Variants in TBC1D19 observed in about 807,000 individuals in gnomAD.
The protein encoded by TBC1D19 is TBC1 domain family, member 19.
Under a neutral mutation model 89.0 loss-of-function variants are expected in TBC1D19, and 60 were observed. The observed-to-expected ratio is 0.67, with a 90% confidence interval of 0.55 to 0.84. The LOEUF is 0.84. Ranked by LOEUF, TBC1D19 falls within the 40% of genes least tolerant of loss-of-function variation. The pLI is 0.00. For synonymous variants in TBC1D19, 189 were observed against 199.7 expected, an observed-to-expected ratio of 0.95 and a Z score of 0.45; for missense variants, 500 against 610.8, an observed-to-expected ratio of 0.82 and a Z score of 1.91.
chr4:26,702,646 T>A (rs1456757579), intron 13 of TBC1D19, among the ~76,000 whole-genome samples: 1 of 152,216 alleles, frequency 6.6e-6, no homozygotes, highest in Non-Finnish European at 1.5e-5. Flanking sequence ...GTCATAGGTC[T>A]CATGACTTCT....
At chr4:26,819,436 A>G in the TBC1D19 span, among the ~76,000 whole-genome samples, 1 of 152,196 alleles carries the variant, frequency 6.6e-6, no homozygotes, top group African/African-American at 2.4e-5. Context: ...AAGCATCCAC[A>G]TGGACACAAG....
the TBC1D19 span, among the ~76,000 whole-genome samples, chr4:26,826,023 G>A: frequency 2.1e-4 from 32 of 152,230 alleles, no homozygotes; most frequent in South Asian, 6.2e-3. Flanking sequence ...GCAACATGGC[G>A]AAACCCCATC....
At chr4:26,671,625 A>G (rs769443780) in intron 9 of TBC1D19, among the ~76,000 whole-genome samples, 11 of 151,830 alleles carry the variant, frequency 7.2e-5, no homozygotes, top group Non-Finnish European at 1.6e-4. Flanking sequence ...GCATTTGTAG[A>G]GCGAGATTTT....
intron 1 of TBC1D19, among the ~76,000 whole-genome samples, chr4:26,588,936 A>T (rs1456238204): frequency 2.6e-5 from 4 of 151,988 alleles, no homozygotes; most frequent in Non-Finnish European, 4.4e-5. Flanking sequence ...GCTTCAGTCA[A>T]TATAGACAAG....
At chr4:26,698,786 G>T (rs933797894) in intron 13 of TBC1D19, among the ~76,000 whole-genome samples, 33 of 152,264 alleles carry the variant, frequency 2.2e-4, no homozygotes, top group African/African-American at 7.5e-4. Context: ...TTAATAAATG[G>T]TGCTGGGAAA....
At chr4:26,814,140 A>C in the TBC1D19 span, among the ~76,000 whole-genome samples, 5 of 152,014 alleles carry the variant, frequency 3.3e-5, no homozygotes, top group African/African-American at 4.8e-5. Flanking sequence ...CCAGCAACAC[A>C]TCCAATAACA....
chr4:26,585,871 C>T (rs1262751645), intron 1 of TBC1D19, among the ~76,000 whole-genome samples: 1 of 152,174 alleles, frequency 6.6e-6, no homozygotes, highest in African/African-American at 2.4e-5. Context: ...AGACGTGAGC[C>T]ACCACACCCT....
the TBC1D19 span, among the ~76,000 whole-genome samples, chr4:26,840,934 C>T: frequency 6.6e-6 from 1 of 152,142 alleles, no homozygotes; most frequent in African/African-American, 2.4e-5. Context: ...GACCCAGGTC[C>T]TGCCACTCTC....
chr4:26,577,614 G>T (rs76120046), intron 1 of TBC1D19, among the ~76,000 whole-genome samples: 1,961 of 152,314 alleles, frequency 0.013, 25 homozygotes, highest in Middle Eastern at 0.02. Context: ...TGAGTACAAA[G>T]AGTCTAATAG....
Position 26,640,198 on chromosome 4 carries a change from T to G in TBC1D19, c.480+11T>G, listed in dbSNP as rs377029157. 2 of 1,590,952 alleles carry G rather than the reference T, an allele frequency of 1.3e-6. No individual in the cohort carries two copies. The highest frequency in any genetic ancestry group is 1.7e-5 in the Admixed American group (1 of 59,688). On this transcript the variant is annotated intron_variant, in intron 7 of 20. Coordinates refer to ENST00000264866, the MANE Select transcript of TBC1D19 (RefSeq NM_018317.4). ...AAGGATTTTCTTGAGGTAGGTTCTA[T>G]TGGATAAATACACATATATTAATGA...
the TBC1D19 span, among the ~76,000 whole-genome samples, chr4:26,777,057 T>G: frequency 6.6e-6 from 1 of 152,164 alleles, no homozygotes; most frequent in Non-Finnish European, 1.5e-5. Flanking sequence ...TTTCCTTGTT[T>G]TGGTGTTATT....
the TBC1D19 span, among the ~76,000 whole-genome samples, chr4:26,807,213 C>T: frequency 6.6e-6 from 1 of 152,250 alleles, no homozygotes; most frequent in East Asian, 1.9e-4. Flanking sequence ...CCCCCATCCT[C>T]AACTTAGAAG....
At chr4:26,785,260 AT>A in the TBC1D19 span, among the ~76,000 whole-genome samples, 1 of 152,238 alleles carries the variant, frequency 6.6e-6, no homozygotes, top group Non-Finnish European at 1.5e-5. Context: ...ATAGCCTAAC[AT>A]TTCTCCCAAA....
intron 4 of TBC1D19, among the ~76,000 whole-genome samples, chr4:26,628,787 G>A (rs1036218692): frequency 4.0e-5 from 6 of 151,860 alleles, no homozygotes; most frequent in Admixed American, 1.3e-4. Context: ...AAATACCTAG[G>A]AATCCAACTT....
Position 26,638,831 on chromosome 4 carries a change from C to T in TBC1D19, c.430C>T (p.Pro144Ser). Reference sequence around the variant, plus strand: ...ATGGAATGAAATGGGAACTGATGAACCAGGTATGTGAACAATTTTTTCTGA... The same window carrying T: ...ATGGAATGAAATGGGAACTGATGAATCAGGTATGTGAACAATTTTTTCTGA... ...NKWNEMGTDEPDLSLFRPVYA... is the reference protein window; with the variant it reads ...NKWNEMGTDESDLSLFRPVYA... The change falls in exon 6 of 21, where the codon CCA becomes TCA. Residue 144 changes from proline to serine, a missense_variant. Physicochemically the swap from Pro to Ser is moderately conservative, Grantham distance 74. Coordinates refer to ENST00000264866, the MANE Select transcript of TBC1D19 (RefSeq NM_018317.4). 2 of 1,606,010 alleles carry T rather than the reference C, an allele frequency of 1.2e-6. No homozygotes were observed. The highest frequency in any genetic ancestry group is 1.3e-5 in the African/African-American group (1 of 74,612).
At chr4:26,768,828 A>T in the TBC1D19 span, among the ~76,000 whole-genome samples, 1,169 of 152,214 alleles carry the variant, frequency 7.7e-3, 21 homozygotes, top group East Asian at 0.046. Flanking sequence ...AATTATCTGT[A>T]TGTCACCTTT....
intron 4 of TBC1D19, among the ~76,000 whole-genome samples, chr4:26,635,034 A>AC (rs1380254665): frequency 6.6e-6 from 1 of 152,128 alleles, no homozygotes; most frequent in Non-Finnish European, 1.5e-5. Flanking sequence ...AGCTGTTTGC[A>AC]TGAGTGATTG....
intron 9 of TBC1D19, among the ~76,000 whole-genome samples, chr4:26,667,372 A>G (rs924420986): frequency 6.6e-6 from 1 of 152,000 alleles, no homozygotes; most frequent in Non-Finnish European, 1.5e-5. Context: ...TGTAATCCCC[A>G]TTACAAAGAT....
chr4:26,838,310 T>A, the TBC1D19 span, among the ~76,000 whole-genome samples: 1 of 152,198 alleles, frequency 6.6e-6, no homozygotes, highest in South Asian at 2.1e-4. Context: ...GTGTGACCAG[T>A]ATCAGCTTAC....
Sources: allele counts gnomAD v4.1 joint callset (sites outside exome capture counted in the v4.1 genomes callset), GRCh38; gene constraint gnomAD v4.1.1; transcripts MANE v1.5; gene names NCBI Gene and HGNC (gene_info 2026-07-23, HGNC 2026-07-21).